MED1: variants seen among roughly 807,000 people sequenced by gnomAD.
MED1 encodes mediator complex subunit 1.
MED1 carries 17 observed loss-of-function variants against 121.3 expected under a neutral mutation model. The observed-to-expected ratio is 0.14, with a 90% CI of 0.10 to 0.21. The LOEUF (loss-of-function observed/expected upper bound fraction) is 0.21, where lower values mean the gene tolerates loss of function less well. MED1 is among the 10% of genes least tolerant of loss of function. The pLI, the probability that MED1 is intolerant of heterozygous loss-of-function variation, is 1.00. For synonymous variants in MED1, 661 were observed against 694.4 expected (o/e 0.95, Z 0.76); for missense variants, 1,558 against 1,919.4 (o/e 0.81, Z 3.52).
At chr17:39,411,121 C>T (rs1399771547) in intron 16 of MED1, among the ~76,000 whole-genome samples, 1 of 151,670 alleles carries the variant, frequency 6.6e-6, no homozygotes, top group Non-Finnish European at 1.5e-5. Context: ...GAGATCGACA[C>T]CATCCTGGCC....
At position 39,408,802 on chromosome 17, in the gene MED1, G is replaced by T; in HGVS notation, c.3419C>A (p.Ser1140Tyr). 1 of 1,613,984 alleles carries T rather than the reference G, an allele frequency of 6.2e-7. No individual in the cohort carries two copies. Among genetic ancestry groups the T allele is most frequent in the East Asian group, 2.2e-5 (1 of 44,888 alleles). ...SMYSSQGSSG[S>Y]SQSKNSSQSG... ...CTGGGATGAATTTTTGGACTGGCTAGATCCAGAAGACCCCTGGCTAGAATA... is the reference window on the plus strand; with the variant it reads ...CTGGGATGAATTTTTGGACTGGCTATATCCAGAAGACCCCTGGCTAGAATA... Residue 1140 changes from serine to tyrosine, a missense_variant, in exon 17 of 17, where the codon TCT becomes TAT. Physicochemically the swap from Ser to Tyr is moderately radical, Grantham distance 144. Around this residue, in one of 5 missense-constraint regions of MED1, gnomAD observed 793 missense variants for 898.2 expected, o/e 0.88. Transcript: ENST00000300651. The surrounding 1 kb of genome is among the most constrained non-coding windows in gnomAD (Gnocchi z 4.7).
At chr17:39,412,306 G>A (rs941358536) in intron 16 of MED1, among the ~76,000 whole-genome samples, 2 of 142,840 alleles carry the variant, frequency 1.4e-5, no homozygotes, top group African/African-American at 5.3e-5. Context: ...TTGGCTCACT[G>A]CAACCTCCAC....
intron 11 of MED1, among the ~76,000 whole-genome samples, 170 bp downstream of exon 11, chr17:39,424,457 G>A (rs911263637): frequency 2.0e-5 from 3 of 152,136 alleles, no homozygotes; most frequent in East Asian, 1.9e-4. Context: ...TCTACGAGCC[G>A]ACTTTGGAGA....
At chr17:39,443,913 G>A (rs1029425359) in intron 2 of MED1, among the ~76,000 whole-genome samples, 2 of 152,114 alleles carry the variant, frequency 1.3e-5, no homozygotes, top group Non-Finnish European at 2.9e-5. Flanking sequence ...ATAATCACTT[G>A]AGTCCAGGAG....
At chr17:39,447,757 A>T in intron 2 of MED1, 41 bp downstream of exon 2, 1 of 1,401,042 alleles carries the variant, frequency 7.1e-7, no homozygotes, top group Non-Finnish European at 1.0e-6. Context: ...AAGAATAATT[A>T]TCTAAGCAAA....
chr17:39,424,980 C>G (rs1257920046), intron 10 of MED1, among the ~76,000 whole-genome samples: 1 of 151,696 alleles, frequency 6.6e-6, no homozygotes, highest in Non-Finnish European at 1.5e-5. Flanking sequence ...CCTGGGTTCA[C>G]ACCATTCTCC....
chr17:39,442,686 C>T (rs1181262013), intron 3 of MED1, among the ~76,000 whole-genome samples: 2 of 149,966 alleles, frequency 1.3e-5, no homozygotes, highest in African/African-American at 4.9e-5. Context: ...GTGGGCAGAT[C>T]ACCTGAGGTC....
chr17:39,445,904 C>T (rs2144774741), intron 2 of MED1, among the ~76,000 whole-genome samples: 1 of 151,744 alleles, frequency 6.6e-6, no homozygotes, highest in East Asian at 2.0e-4. Context: ...TGGCGGATGC[C>T]TGTAATACCA....
rs1288454671 is a variant in MED1, at chr17:39,423,385, A to T, written c.1037T>A (p.Phe346Tyr). The change falls in exon 13 of 17, where the codon TTT becomes TAT. Residue 346 changes from phenylalanine to tyrosine, a missense_variant. Phe to Tyr is a conservative substitution (Grantham distance 22). Around this residue, in one of 5 missense-constraint regions of MED1, gnomAD observed 443 missense variants for 532.4 expected, o/e 0.83. Transcript: ENST00000300651. ...YAPLYELITQ[F>Y]ELSKDPDPIP... ...GGGGTCAGGGTCCTTTGATAGCTCA[A>T]ACTGAGTGATCAGTTCATACAGGGG... The T allele has an allele frequency of 6.2e-7, 1 of 1,613,944 alleles. No individual in the cohort carries two copies. Among genetic ancestry groups the T allele is most frequent in the African/African-American group, 1.3e-5 (1 of 74,906 alleles).
Position 39,423,337 on chromosome 17 carries a change from C to T in MED1, c.1085G>A (p.Arg362Lys). ...TAGGGCTTTACTTACAGCATAAAAT[C>T]TCATGTTGTGATTCAAAGGTATGGG... is the stretch of plus-strand genomic sequence containing the variant. ...PDPIPLNHNM[R>K]FYAALPGQQH... The change falls in exon 13 of 17, where the codon AGA becomes AAA. Residue 362 changes from arginine to lysine, a missense_variant. Physicochemically the swap from Arg to Lys is conservative, Grantham distance 26. Around this residue, in one of 5 missense-constraint regions of MED1, gnomAD observed 443 missense variants for 532.4 expected, o/e 0.83. Transcript: ENST00000300651. The T allele has an allele frequency of 6.2e-7, 1 of 1,602,574 alleles. No homozygotes were observed.
At chr17:39,415,166 T>C in intron 15 of MED1, 35 bp from the exon 16 acceptor site, 1 of 1,609,274 alleles carries the variant, frequency 6.2e-7, no homozygotes, top group Non-Finnish European at 8.5e-7. Flanking sequence ...TTGTTTTAGA[T>C]TTAGCTTCTG....
At chr17:39,427,662 C>A in intron 10 of MED1, 39 bp downstream of exon 10, 1 of 1,468,770 alleles carries the variant, frequency 6.8e-7, no homozygotes, top group Non-Finnish European at 9.4e-7. Context: ...AGCTGGGCAC[C>A]GAACAAAACC....
chr17:39,442,238 T>C (rs1243530872), intron 3 of MED1, among the ~76,000 whole-genome samples: 1 of 152,294 alleles, frequency 6.6e-6, no homozygotes, highest in Admixed American at 6.5e-5. Context: ...TCATGACTTA[T>C]ATTTTACATT....
chr17:39,428,735 G>A (rs536758100), intron 9 of MED1, among the ~76,000 whole-genome samples: 58 of 151,898 alleles, frequency 3.8e-4, no homozygotes, highest in Non-Finnish European at 7.2e-4. Context: ...GGCAGATCAC[G>A]AGGTCAGGAG....
chr17:39,450,611 A>G (rs994429825), intron 1 of MED1, among the ~76,000 whole-genome samples: 3 of 152,234 alleles, frequency 2.0e-5, no homozygotes, highest in African/African-American at 7.2e-5. Flanking sequence ...ACAATGGCAC[A>G]GGATCTGAAC....
intron 9 of MED1, among the ~76,000 whole-genome samples, chr17:39,428,754 G>A (rs543418796): frequency 1.3e-5 from 2 of 151,736 alleles, no homozygotes; most frequent in Admixed American, 6.6e-5. Context: ...AGATCAAGAC[G>A]AGCCTGGCCA....
In MED1 at chr17:39,404,482, A is replaced by G. The variant is rs989161922; in HGVS notation, c.*2993T>C. The G allele has an allele frequency of 2.0e-5, 3 of 152,318 alleles. No homozygotes were observed. Among genetic ancestry groups the G allele is most frequent in the Non-Finnish European group, 2.9e-5 (2 of 68,034 alleles). 9.4% of individuals were successfully genotyped at this position (152,318 alleles called of 1,614,324 possible). A position where few individuals can be genotyped will look rare whatever the true frequency, so the allele number is the denominator to read the frequency against. On this transcript the variant is annotated 3_prime_UTR_variant, in exon 17 of 17. Coordinates refer to ENST00000300651, the MANE Select transcript of MED1 (RefSeq NM_004774.4). Reference sequence around the variant, plus strand: ...AAAAGACCCTCCCCAGCTGCTCCTGATGTACATTTTTAAACTCAAAATTTA... The same window carrying G: ...AAAAGACCCTCCCCAGCTGCTCCTGGTGTACATTTTTAAACTCAAAATTTA...
chr17:39,451,181 C>G lies in MED1; in HGVS notation c.-119G>C. 8.7e-7 allele frequency: 1 copy of G among 1,153,054 alleles called. No homozygotes were observed. The allele number at this position is 1,153,054 out of a possible 1,614,324, so 71.4% of individuals were successfully genotyped here. A position where few individuals can be genotyped will look rare whatever the true frequency, so the allele number is the denominator to read the frequency against. On this transcript the variant is annotated 5_prime_UTR_variant, in exon 1 of 17. Coordinates refer to ENST00000300651, the MANE Select transcript of MED1 (RefSeq NM_004774.4). The stretch of plus-strand genomic sequence containing the variant: ...CAGGGCACCAGCAGTCCCTACTCTT[C>G]CCGGGAAGGATCAATCTGAAGTCCC...
Position 39,408,727 on chromosome 17 carries a change from C to CAG in MED1, c.3493_3494insCT (p.Ser1165ThrfsTer9). 8 of 1,614,242 alleles carry CAG rather than the reference C, an allele frequency of 5.0e-6. No homozygotes were observed. The highest frequency in any genetic ancestry group is 6.8e-6 in the Non-Finnish European group (8 of 1,180,036). ...TTTCATCTTGGTGCTGCTAGAGCCA[C>CAG]TGCTCAGTCCATGCTTGGTTATGGG... On this transcript the variant is annotated frameshift_variant, in exon 17 of 17. Transcript: ENST00000300651. LOFTEE classifies it high-confidence loss of function. This position sits in a 1 kb window ranked among gnomAD's most constrained non-coding sequence, Gnocchi z 4.7.
Sources: allele counts gnomAD v4.1 joint callset (sites outside exome capture counted in the v4.1 genomes callset), GRCh38; gene constraint gnomAD v4.1.1; regional missense constraint gnomAD v4.1.1; non-coding constraint Gnocchi (gnomAD v3.1); transcripts MANE v1.5; gene names NCBI Gene and HGNC (gene_info 2026-07-23, HGNC 2026-07-21).